Variants in ZNF618 observed in about 807,000 individuals in gnomAD.
ZNF618 encodes neural precursor cell expressed, developmentally down-regulated 10.
A neutral mutation model predicts 103.0 loss-of-function variants in ZNF618; 34 were observed. The observed-to-expected ratio is 0.33, with a 90% confidence interval of 0.25 to 0.44. ZNF618 has a LOEUF of 0.44. Among genes scored for constraint, ZNF618 ranks in the 20% least tolerant of loss-of-function variants. The probability of loss-of-function intolerance (pLI) is 1.00; values close to 1 mark genes in which losing one functional copy is unlikely to be tolerated. For synonymous variants in ZNF618, 551 were observed against 542.2 expected (o/e 1.02, Z -0.23); for missense variants, 1,059 against 1,295.4 (o/e 0.82, Z 2.80).
intron 1 of ZNF618, among the ~76,000 whole-genome samples, chr9:113,964,479 C>T (rs1250075780): frequency 6.6e-6 from 1 of 152,014 alleles, no homozygotes; most frequent in Non-Finnish European, 1.5e-5. Context: ...CCTCCCCCAC[C>T]CTCACCGCTT....
chr9:113,890,171 G>A (rs1171087234), intron 1 of ZNF618, among the ~76,000 whole-genome samples: 4 of 151,964 alleles, frequency 2.6e-5, no homozygotes, highest in Non-Finnish European at 5.9e-5. Flanking sequence ...TTTTTCCCAA[G>A]CGAAAATAGT....
At chr9:114,026,903 G>C (rs1843547423) in intron 10 of ZNF618, among the ~76,000 whole-genome samples, 1 of 152,100 alleles carries the variant, frequency 6.6e-6, no homozygotes, top group African/African-American at 2.4e-5. Flanking sequence ...GGGAGGTATA[G>C]TCTCCAAGAT....
At chr9:114,017,262 G>A (rs957198252) in intron 10 of ZNF618, among the ~76,000 whole-genome samples, 1 of 152,174 alleles carries the variant, frequency 6.6e-6, no homozygotes, top group African/African-American at 2.4e-5. Context: ...GGAGGTGGCA[G>A]GAACCCTGAG....
At chr9:114,011,703 C>T (rs935445744) in intron 9 of ZNF618, among the ~76,000 whole-genome samples, 23 of 152,194 alleles carry the variant, frequency 1.5e-4, no homozygotes, top group African/African-American at 5.1e-4. Flanking sequence ...AAGAAACACC[C>T]TGGCAGGAGT....
At chr9:114,044,208 A>G (rs775248936) in intron 13 of ZNF618, among the ~76,000 whole-genome samples, 70 of 152,160 alleles carry the variant, frequency 4.6e-4, no homozygotes, top group Non-Finnish European at 9.6e-4. Flanking sequence ...ATCCATCTTG[A>G]GTTGATTTTT....
rs529699681 is a variant in ZNF618 at position 114,027,600 on chromosome 9, G to A, written c.845-1133G>A. Among the ~76,000 whole-genome samples the A allele has an allele frequency of 1.4e-3, 218 of 152,348 alleles. 2 individuals carry two copies. Among genetic ancestry groups the A allele is most frequent in the South Asian group, 8.9e-3 (43 of 4,820 alleles). On this transcript the variant is annotated intron_variant, in intron 10 of 14. Coordinates refer to ENST00000374126, the MANE Select transcript of ZNF618 (RefSeq NM_001318042.2). The stretch of plus-strand genomic sequence containing the variant: ...ATCCTGCTTCTTTGGGCTGAGCTTC[G>A]CCTTCTGTGCCAGGAATGAGCAGAG...
At chr9:114,038,868 C>T (rs1181946757) in intron 13 of ZNF618, among the ~76,000 whole-genome samples, 1 of 152,264 alleles carries the variant, frequency 6.6e-6, no homozygotes, top group East Asian at 1.9e-4. Context: ...TTGCACAGCT[C>T]CTAAAAAAAG....
At chr9:114,024,648 G>A (rs1438737413) in intron 10 of ZNF618, among the ~76,000 whole-genome samples, 2 of 152,176 alleles carry the variant, frequency 1.3e-5, no homozygotes, top group African/African-American at 2.4e-5. Flanking sequence ...ATTGAGCAAG[G>A]TCTCGCCTCT....
intron 11 of ZNF618, among the ~76,000 whole-genome samples, chr9:114,031,425 CG>C (rs1032141105): frequency 6.6e-6 from 1 of 152,136 alleles, no homozygotes; most frequent in Non-Finnish European, 1.5e-5. Flanking sequence ...TGACAGGGGT[CG>C]GGGGGAGGTG....
rs747034755 is a variant in ZNF618, at chr9:113,930,238, C to T, written c.34-38879C>T. On this transcript the variant is annotated intron_variant, in intron 1 of 14. Transcript: ENST00000374126. ...ATGTATGTCAAGGTTACCTTTTACT[C>T]ATTTTCTTAGATGTTACTTAAGTCA... is the stretch of plus-strand genomic sequence containing the variant. Among the ~76,000 whole-genome samples the T allele has an allele frequency of 3.9e-5, 6 of 152,192 alleles. No individual in the cohort carries two copies. In the South Asian group the frequency reaches 6.2e-4, roughly 16 times the overall value.
intron 1 of ZNF618, among the ~76,000 whole-genome samples, chr9:113,936,034 A>G (rs1238993902): frequency 3.3e-5 from 5 of 152,044 alleles, no homozygotes; most frequent in African/African-American, 1.2e-4. Flanking sequence ...AGCTCACTGC[A>G]TCCTCGAAAT....
chr9:114,001,924 A>G (rs1841252587), intron 4 of ZNF618, 72 bp from the exon 5 acceptor site: 1 of 1,318,110 alleles, frequency 7.6e-7, no homozygotes, highest in Non-Finnish European at 1.1e-6. Flanking sequence ...ACTTGTAGGC[A>G]TCGCCTGTGG....
chr9:113,933,476 G>T (rs1284344011), intron 1 of ZNF618, among the ~76,000 whole-genome samples: 3 of 152,186 alleles, frequency 2.0e-5, no homozygotes, highest in African/African-American at 7.2e-5. Context: ...CATTAGATCT[G>T]GTGGTGGGGA....
intron 13 of ZNF618, among the ~76,000 whole-genome samples, chr9:114,045,122 AGATT>A (rs1845543275): frequency 6.6e-6 from 1 of 152,056 alleles, no homozygotes; most frequent in Non-Finnish European, 1.5e-5. Flanking sequence ...CCCTATAGAT[AGATT>A]ATTTGCAAAT....
intron 1 of ZNF618, among the ~76,000 whole-genome samples, chr9:113,935,957 C>CT (rs1833995452): frequency 6.6e-6 from 1 of 152,002 alleles, no homozygotes; most frequent in African/African-American, 2.4e-5. Context: ...GGCTGGGATT[C>CT]TTTTTTTTCT....
At chr9:113,912,816 T>G (rs1831676361) in intron 1 of ZNF618, among the ~76,000 whole-genome samples, 1 of 152,062 alleles carries the variant, frequency 6.6e-6, no homozygotes, top group Non-Finnish European at 1.5e-5. Context: ...CTTGGCCTCA[T>G]TTTCCCCATC....
At chr9:113,952,430 C>G (rs1835866733) in intron 1 of ZNF618, among the ~76,000 whole-genome samples, 2 of 152,178 alleles carry the variant, frequency 1.3e-5, no homozygotes, top group Non-Finnish European at 2.9e-5. Flanking sequence ...TGATGACAGC[C>G]TCTCATGGGA....
chr9:113,922,213 A>G (rs978679884), intron 1 of ZNF618, among the ~76,000 whole-genome samples: 1 of 152,250 alleles, frequency 6.6e-6, no homozygotes, highest in Admixed American at 6.5e-5. Flanking sequence ...ATGCAGATAA[A>G]AGGAAGAGAA....
chr9:114,008,242 A>T (rs751708260), intron 7 of ZNF618, 102 bp from the exon 8 acceptor site: 93 of 1,518,286 alleles, frequency 6.1e-5, no homozygotes, highest in Non-Finnish European at 8.1e-5. Flanking sequence ...ACCCATGGGG[A>T]TAGGGGCTGG....
Sources: gnomAD v4.1 joint callset for allele counts (sites outside exome capture counted in the v4.1 genomes callset) on GRCh38, gnomAD v4.1.1 for gene constraint, MANE v1.5 for transcripts, NCBI Gene and HGNC (gene_info 2026-07-23, HGNC 2026-07-21) for gene names.